SUPT3H: variants seen among roughly 807,000 people sequenced by gnomAD.
SUPT3H encodes transcription initiation protein SPT3 homolog.
In SUPT3H, 44 loss-of-function variants were observed where a neutral mutation model predicts 44.3. That is an observed-to-expected ratio of 0.99 (90% confidence interval 0.78 to 1.28). SUPT3H has a LOEUF of 1.28. SUPT3H is among the 50% of genes most tolerant of loss of function. The pLI is 0.00. For missense variants in SUPT3H, 380 were observed against 387.1 expected, an observed-to-expected ratio of 0.98 and a Z score of 0.15; for synonymous variants, 124 against 125.6, an observed-to-expected ratio of 0.99 and a Z score of 0.09.
intron 2 of SUPT3H, among the ~76,000 whole-genome samples, chr6:45,190,924 CA>C (rs1405624970): frequency 6.6e-6 from 1 of 151,956 alleles, no homozygotes; most frequent in Admixed American, 6.6e-5. Flanking sequence ...CATATGCTGA[CA>C]AAGGTGTGGA....
intron 2 of SUPT3H, among the ~76,000 whole-genome samples, chr6:45,181,414 C>T (rs1813150185): frequency 1.3e-5 from 2 of 151,968 alleles, no homozygotes; most frequent in Admixed American, 1.3e-4. Context: ...GACACATGCA[C>T]ACATATGTTT....
chr6:45,043,228 CTTAA>C (rs1412305212), intron 3 of SUPT3H, among the ~76,000 whole-genome samples: 2 of 151,580 alleles, frequency 1.3e-5, no homozygotes, highest in African/African-American at 4.8e-5. Flanking sequence ...AAATCTTTAA[CTTAA>C]TTAACACCTA....
intron 1 of SUPT3H, among the ~76,000 whole-genome samples, chr6:45,366,884 A>G (rs1047831488): frequency 3.3e-5 from 5 of 152,174 alleles, no homozygotes; most frequent in African/African-American, 1.2e-4. Context: ...TCTTAGCTAC[A>G]TCTTCTATCT....
intron 6 of SUPT3H, among the ~76,000 whole-genome samples, chr6:44,981,733 G>A (rs1295971465): frequency 1.3e-5 from 2 of 152,040 alleles, no homozygotes; most frequent in East Asian, 3.9e-4. Context: ...ATATAGCTCT[G>A]AGATTCTGTG....
At position 44,850,786 on chromosome 6, in the gene SUPT3H, AT is replaced by A. The variant is rs1772752751; in HGVS notation, c.913-20930del. On this transcript the variant is annotated intron_variant, in intron 10 of 10. Coordinates refer to ENST00000371459, the MANE Select transcript of SUPT3H (RefSeq NM_003599.4). ...TATCTATCTATCTATCTATCTATCT[AT>A]CTATCTATAAATGTACCTTGTATGT... is the stretch of plus-strand genomic sequence containing the variant. Among the ~76,000 whole-genome samples the A allele has an allele frequency of 5.3e-5, 8 of 152,176 alleles. No individual in the cohort carries two copies. The South Asian group carries it at 1.2e-3, about 24-fold the overall frequency.
chr6:44,898,270 A>G (rs947024456), intron 10 of SUPT3H, among the ~76,000 whole-genome samples: 1 of 152,102 alleles, frequency 6.6e-6, no homozygotes, highest in Non-Finnish European at 1.5e-5. Flanking sequence ...TCCCATACTG[A>G]ATGTAACAAT....
rs553114217 is a variant in SUPT3H at position 44,939,014 on chromosome 6, C to T, written c.802-6251G>A. On this transcript the variant is annotated intron_variant, in intron 9 of 10. Transcript: ENST00000371459. Reference sequence around the variant, plus strand: ...GATATAAGATCATATAATCAGCAAACGGGAATAATTTTACTTCTTCTTTTC... The same window carrying T: ...GATATAAGATCATATAATCAGCAAATGGGAATAATTTTACTTCTTCTTTTC... Among the ~76,000 whole-genome samples the T allele has an allele frequency of 6.9e-4, 105 of 152,196 alleles. 2 individuals are homozygous for T. In the South Asian group the frequency reaches 0.021, roughly 30 times the overall value.
intron 2 of SUPT3H, among the ~76,000 whole-genome samples, chr6:45,309,132 C>T (rs1048701329): frequency 6.0e-5 from 9 of 149,096 alleles, no homozygotes; most frequent in Non-Finnish European, 1.2e-4. Context: ...AGTGTTTATG[C>T]CTTTTAAAAA....
At chr6:45,178,014 A>T (rs574733357) in intron 2 of SUPT3H, among the ~76,000 whole-genome samples, 280 of 152,288 alleles carry the variant, frequency 1.8e-3, no homozygotes, top group African/African-American at 6.6e-3. Flanking sequence ...GCATCAACTA[A>T]CGAGCAAAAT....
At chr6:45,087,724 G>C (rs562048945) in intron 3 of SUPT3H, among the ~76,000 whole-genome samples, 1 of 151,874 alleles carries the variant, frequency 6.6e-6, no homozygotes, top group South Asian at 2.1e-4. Flanking sequence ...GGGGGCTTGA[G>C]CTCTCTGTTT....
At chr6:45,178,828 C>A (rs1044397755) in intron 2 of SUPT3H, among the ~76,000 whole-genome samples, 1 of 151,862 alleles carries the variant, frequency 6.6e-6, no homozygotes, top group Non-Finnish European at 1.5e-5. Context: ...GGGTACATAA[C>A]GAAATGAAGG....
chr6:44,835,426 T>A (rs1216541740), intron 10 of SUPT3H, among the ~76,000 whole-genome samples: 1 of 151,678 alleles, frequency 6.6e-6, no homozygotes, highest in Admixed American at 6.6e-5. Context: ...TTTTCCAAAT[T>A]CTTCACATCT....
intron 10 of SUPT3H, among the ~76,000 whole-genome samples, chr6:44,848,259 T>C (rs1052596557): frequency 6.6e-6 from 1 of 152,178 alleles, no homozygotes; most frequent in African/African-American, 2.4e-5. Flanking sequence ...AGTGAGCCAC[T>C]GTACCCAGCC....
At chr6:45,024,657 T>C (rs1562286764) in intron 3 of SUPT3H, among the ~76,000 whole-genome samples, 2 of 152,218 alleles carry the variant, frequency 1.3e-5, no homozygotes, top group African/African-American at 2.4e-5. Flanking sequence ...TAATTTTGTG[T>C]GTCAATTTGA....
At chr6:45,317,929 G>A (rs886682562) in intron 2 of SUPT3H, among the ~76,000 whole-genome samples, 4 of 152,096 alleles carry the variant, frequency 2.6e-5, no homozygotes, top group African/African-American at 4.8e-5. Context: ...AAATATATTT[G>A]CAAACCATAC....
chr6:44,971,995 C>CT (rs1562168923), intron 6 of SUPT3H, among the ~76,000 whole-genome samples: 2 of 151,928 alleles, frequency 1.3e-5, no homozygotes, highest in African/African-American at 4.8e-5. Context: ...AGGATGGTCT[C>CT]TATCTCCTGA....
At chr6:45,164,198 G>A (rs970656987) in intron 2 of SUPT3H, among the ~76,000 whole-genome samples, 6 of 152,128 alleles carry the variant, frequency 3.9e-5, no homozygotes, top group East Asian at 3.9e-4. Context: ...CCAGCTGAAC[G>A]AGTTTGAATC....
chr6:44,949,169 T>G (rs1000183905), intron 9 of SUPT3H, among the ~76,000 whole-genome samples: 3 of 151,880 alleles, frequency 2.0e-5, no homozygotes, highest in Admixed American at 6.6e-5. Flanking sequence ...ATGTTCTCAC[T>G]CATAGGTGGG....
At chr6:45,047,723 G>GCA (rs1450912515) in intron 3 of SUPT3H, among the ~76,000 whole-genome samples, 1 of 151,934 alleles carries the variant, frequency 6.6e-6, no homozygotes, top group Non-Finnish European at 1.5e-5. Context: ...GTGTGCAAAG[G>GCA]TTCTCTTTTC....
Sources: allele counts gnomAD v4.1 joint callset (sites outside exome capture counted in the v4.1 genomes callset), GRCh38; gene constraint gnomAD v4.1.1; transcripts MANE v1.5; gene names NCBI Gene and HGNC (gene_info 2026-07-23, HGNC 2026-07-21).